C4orf54: variants seen among roughly 807,000 people sequenced by gnomAD.
The protein encoded by C4orf54 is chromosome 4 open reading frame 54, also known as uncharacterized protein C4orf54.
C4orf54 carries 67 observed loss-of-function variants against 80.1 expected under a neutral mutation model. That is an observed-to-expected ratio of 0.84 (90% CI 0.69 to 1.03). C4orf54 has a LOEUF of 1.03. Ranked by LOEUF, C4orf54 falls within the 50% of genes least tolerant of loss-of-function variation. C4orf54 has a pLI of 0.00. For synonymous variants in C4orf54, 1,000 were observed against 917.0 expected, an observed-to-expected ratio of 1.09 and a Z score of -1.64; for missense variants, 2,434 against 2,253.5, an observed-to-expected ratio of 1.08 and a Z score of -1.62.
chr4:99,654,064 C>T lies in C4orf54; in HGVS notation c.585G>A (p.Val195=), dbSNP rs1292700050. The T allele has an allele frequency of 6.5e-7, 1 of 1,536,100 alleles. No homozygotes were observed. The highest frequency in any genetic ancestry group is 8.7e-7 in the Non-Finnish European group (1 of 1,146,914). The change falls in exon 2 of 3, where the codon GTG becomes GTA. Residue 195 remains valine, a synonymous_variant. Transcript: ENST00000511828. ...GGACTTCAGCTGAAGCACACATGTCCACATATTTCGCTTCTCGCTGGGAGG... is the reference window on the plus strand; with the variant it reads ...GGACTTCAGCTGAAGCACACATGTCTACATATTTCGCTTCTCGCTGGGAGG... ...SASSQREAKY[V]DMCASAEVQR...
rs770087780 is a variant in C4orf54 at position 99,653,298 on chromosome 4, C to G, written c.1351G>C (p.Asp451His). ...TTRTPSPTSS[D>H]LARPNAGRSG... ...CGGCCTGCATTGGGGCGGGCCAGGTCGCTGCTTGTAGGGCTGGGCGTCCGG... is the reference window on the plus strand; with the variant it reads ...CGGCCTGCATTGGGGCGGGCCAGGTGGCTGCTTGTAGGGCTGGGCGTCCGG... Residue 451 changes from aspartate (D) to histidine (H), a missense_variant, in exon 2 of 3, where the codon GAC becomes CAC. By Grantham distance (81) the Asp-to-His change is moderately conservative. Coordinates refer to ENST00000511828, the MANE Select transcript of C4orf54 (RefSeq NM_001354435.2). 7.2e-6 allele frequency: 11 copies of G among 1,530,654 alleles called. No homozygotes were observed. The highest frequency in any genetic ancestry group is 6.0e-5 in the South Asian group (5 of 83,282). The allele number at this position is 1,530,654 out of a possible 1,614,324, so 94.8% of individuals were successfully genotyped here. A position where few individuals can be genotyped will look rare whatever the true frequency, so the allele number is the denominator to read the frequency against.
chr4:99,636,995 T>C lies in C4orf54; in HGVS notation c.*4238A>G, dbSNP rs1331767095. The C allele has an allele frequency of 6.6e-6, 1 of 152,210 alleles. No individual in the cohort carries two copies. Among genetic ancestry groups the C allele is most frequent in the Admixed American group, 6.5e-5 (1 of 15,276 alleles). 9.4% of individuals were successfully genotyped at this position (152,210 alleles called of 1,614,324 possible). ...CATAACTTCTACAGTGTTCACATTC[T>C]TTTCAACCACTGCTGTCTTTAATAT... On this transcript the variant is annotated 3_prime_UTR_variant, in exon 3 of 3. Transcript: ENST00000511828.
Position 99,640,648 on chromosome 4 carries a change from A to C in C4orf54, c.*585T>G, listed in dbSNP as rs1232043714. The C allele has an allele frequency of 1.3e-5, 2 of 152,218 alleles. No individual in the cohort carries two copies. The highest frequency in any genetic ancestry group is 6.5e-5 in the Admixed American group (1 of 15,274). The allele number at this position is 152,218 out of a possible 1,614,324, so 9.4% of individuals were successfully genotyped here. A position where few individuals can be genotyped will look rare whatever the true frequency, so the allele number is the denominator to read the frequency against. ...TCACATTTGAAATCATGCCAAACCT[A>C]ATAAAAGAACATATAGAGCATAACC... On this transcript the variant is annotated 3_prime_UTR_variant, in exon 3 of 3. Transcript: ENST00000511828.
At position 99,649,684 on chromosome 4, in the gene C4orf54, C is replaced by T. The variant is rs1404372283; in HGVS notation, c.4965G>A (p.Val1655=). The change falls in exon 2 of 3, where the codon GTG becomes GTA. Residue 1655 remains valine (V), a synonymous_variant. Transcript: ENST00000511828. The part of the protein sequence containing the change: ...DVPMTSQQQA[V]APMSISVPPL... The stretch of plus-strand genomic sequence containing the variant: ...GAGGCACAGAGATGGACATGGGAGC[C>T]ACAGCCTGCTGCTGGGAGGTCATGG... The T allele has an allele frequency of 6.5e-7, 1 of 1,536,142 alleles. No homozygotes were observed. Among genetic ancestry groups the T allele is most frequent in the South Asian group, 1.2e-5 (1 of 84,050 alleles).
At position 99,650,685 on chromosome 4, in the gene C4orf54, G is replaced by T; in HGVS notation, c.3964C>A (p.Arg1322=). 6.5e-7 allele frequency: 1 copy of T among 1,536,060 alleles called. No individual in the cohort carries two copies. The highest frequency in any genetic ancestry group is 1.7e-4 in the Middle Eastern group (1 of 5,990). ...ACACCAGCTTTGTTTCCTGTGCCCC[G>T]CTCTTCCACCTCACCCAGCCGTTTG... The part of the protein sequence containing the change: ...LSKRLGEVEE[R]GTGNKAGVVL... Residue 1322 remains arginine, a synonymous_variant, in exon 2 of 3, where the codon CGG becomes AGG. Transcript: ENST00000511828.
Position 99,654,559 on chromosome 4 carries a change from G to A in C4orf54, c.90C>T (p.Cys30=), listed in dbSNP as rs1286676075. The A allele has an allele frequency of 8.5e-6, 6 of 702,964 alleles. No individual in the cohort carries two copies. The highest frequency in any genetic ancestry group is 4.4e-5 in the South Asian group (3 of 67,608). 43.5% of individuals were successfully genotyped at this position (702,964 alleles called of 1,614,324 possible). A position where few individuals can be genotyped will look rare whatever the true frequency, so the allele number is the denominator to read the frequency against. The change falls in exon 2 of 3, where the codon TGC becomes TGT. Residue 30 remains cysteine, a synonymous_variant. Coordinates refer to ENST00000511828, the MANE Select transcript of C4orf54 (RefSeq NM_001354435.2). ...TCCAGTTGTTTGCCTGGCACCGTCGGCAGCAGCGAGGAGTCTGAATGCCAT... is the reference window on the plus strand; with the variant it reads ...TCCAGTTGTTTGCCTGGCACCGTCGACAGCAGCGAGGAGTCTGAATGCCAT... ...VADGIQTPRC[C]RRCQANNWTG...
At chr4:99,646,814 C>A (rs1726708179) in intron 2 of C4orf54, among the ~76,000 whole-genome samples, 1 of 152,186 alleles carries the variant, frequency 6.6e-6, no homozygotes, top group South Asian at 2.1e-4. Flanking sequence ...CAAGATTTCT[C>A]ATACTGACCA....
In C4orf54 at chr4:99,636,892, C is replaced by CT. The variant is rs1726512550; in HGVS notation, c.*4340dup. ...TCACATTCTTCCCATTTACCACCAG[C>CT]TTTTTTCATAGTCCGGGGTATAACA... On this transcript the variant is annotated 3_prime_UTR_variant, in exon 3 of 3. Transcript: ENST00000511828. 7.9e-5 allele frequency: 12 copies of CT among 152,196 alleles called. No homozygotes were observed. The allele number at this position is 152,196 out of a possible 1,614,324, so 9.4% of individuals were successfully genotyped here.
chr4:99,649,628 G>T lies in C4orf54; in HGVS notation c.5021C>A (p.Pro1674His). 1 of 1,536,148 alleles carries T rather than the reference G, an allele frequency of 6.5e-7. No individual in the cohort carries two copies. Among genetic ancestry groups the T allele is most frequent in the Non-Finnish European group, 8.7e-7 (1 of 1,146,898 alleles). ...AAACCCAGGGTAAATCATGTAGGTGGGTCCATAAGCCCCAGGACTCAGGGC... is the reference window on the plus strand; with the variant it reads ...AAACCCAGGGTAAATCATGTAGGTGTGTCCATAAGCCCCAGGACTCAGGGC... ...PLALSPGAYG[P>H]TYMIYPGFLP... is the part of the protein sequence containing the mutation. The change falls in exon 2 of 3, where the codon CCC becomes CAC. Residue 1674 changes from proline to histidine, a missense_variant. Physicochemically the swap from Pro to His is moderately conservative, Grantham distance 77 (BLOSUM62 -2). Coordinates refer to ENST00000511828, the MANE Select transcript of C4orf54 (RefSeq NM_001354435.2).
chr4:99,651,727 A>G lies in C4orf54; in HGVS notation c.2922T>C (p.Ala974=). The change falls in exon 2 of 3, where the codon GCT becomes GCC. Residue 974 remains alanine (A), a synonymous_variant. Transcript: ENST00000511828. ...LKLPKGGDWR[A]DLGEISASKN... is the part of the protein sequence containing the mutation. ...TGCTGGCAGAAATCTCCCCGAGATC[A>G]GCCCGCCAGTCGCCTCCTTTGGGCA... 1 of 1,536,088 alleles carries G rather than the reference A, an allele frequency of 6.5e-7. No individual in the cohort carries two copies. The highest frequency in any genetic ancestry group is 8.7e-7 in the Non-Finnish European group (1 of 1,146,900).
At chr4:99,647,288 C>G (rs1169477298) in intron 2 of C4orf54, among the ~76,000 whole-genome samples, 1 of 152,114 alleles carries the variant, frequency 6.6e-6, no homozygotes, top group Non-Finnish European at 1.5e-5. Context: ...TCCTCCCTTC[C>G]CCTTGCTTCT....
At chr4:99,645,615 G>A (rs745307320) in intron 2 of C4orf54, among the ~76,000 whole-genome samples, 9 of 152,026 alleles carry the variant, frequency 5.9e-5, no homozygotes, top group Non-Finnish European at 1.2e-4. Flanking sequence ...AAGTGGATGG[G>A]CAGGAGAGCA....
chr4:99,649,162 T>G, intron 2 of C4orf54, 69 bp downstream of exon 2: 1 of 1,376,762 alleles, frequency 7.3e-7, no homozygotes, highest in Non-Finnish European at 9.5e-7. Flanking sequence ...AATCTCTCAC[T>G]TCAAACACAA....
In C4orf54 at chr4:99,653,598, C is replaced by A. The variant is rs1033417394; in HGVS notation, c.1051G>T (p.Ala351Ser). 2 of 1,535,968 alleles carry A rather than the reference C, an allele frequency of 1.3e-6. No individual in the cohort carries two copies. The highest frequency in any genetic ancestry group is 1.7e-6 in the Non-Finnish European group (2 of 1,146,842). Reference sequence around the variant, plus strand: ...GGGTCCCTGCTGCCCTGGGACTTGGCAATAATGTCCCTGCACTCTGTTCCA... The same window carrying A: ...GGGTCCCTGCTGCCCTGGGACTTGGAAATAATGTCCCTGCACTCTGTTCCA... ...GDGTECRDII[A>S]KSQGSRDPPK... The change falls in exon 2 of 3, where the codon GCC becomes TCC. Residue 351 changes from alanine (A) to serine (S), a missense_variant. Ala to Ser is a moderately conservative substitution (Grantham distance 99). Transcript: ENST00000511828.
chr4:99,647,183 C>T (rs1244118260), intron 2 of C4orf54, among the ~76,000 whole-genome samples: 1 of 152,158 alleles, frequency 6.6e-6, no homozygotes, highest in Non-Finnish European at 1.5e-5. Flanking sequence ...CAAGTCTAAT[C>T]TCTCTAGACT....
rs1726830371 is a variant in C4orf54 at position 99,651,637 on chromosome 4, C to T, written c.3012G>A (p.Pro1004=). ...CAGGGTACTTGGTGGCCTGCTTCCT[C>T]GGCTGCTTGTCCTTGGGTGTCTGCT... ...NIQQTPKDKQ[P]RKQATKYPAA... Residue 1004 remains proline (P), a synonymous_variant, in exon 2 of 3, where the codon CCG becomes CCA. Transcript: ENST00000511828. The T allele has an allele frequency of 6.5e-7, 1 of 1,536,120 alleles. No homozygotes were observed. Among genetic ancestry groups the T allele is most frequent in the Non-Finnish European group, 8.7e-7 (1 of 1,146,900 alleles).
Position 99,651,785 on chromosome 4 carries a change from C to A in C4orf54, c.2864G>T (p.Arg955Met), listed in dbSNP as rs529347595. The stretch of plus-strand genomic sequence containing the variant: ...CTTCCCTATAGGGGCTTGTTCCTCC[C>A]TCTTCTCGGCCTCTTTCTCCTTCCA... ...RSWKEKEAEK[R>M]EEQAPIGKLK... Residue 955 changes from arginine to methionine, a missense_variant, in exon 2 of 3, where the codon AGG becomes ATG. By Grantham distance (91) the Arg-to-Met change is moderately conservative. Transcript: ENST00000511828. 2 of 1,536,118 alleles carry A rather than the reference C, an allele frequency of 1.3e-6. No homozygotes were observed. Among genetic ancestry groups the A allele is most frequent in the Non-Finnish European group, 1.7e-6 (2 of 1,146,914 alleles).
In C4orf54 at chr4:99,651,429, T is replaced by G. The variant is rs1203354284; in HGVS notation, c.3220A>C (p.Lys1074Gln). The stretch of plus-strand genomic sequence containing the variant: ...TCTAGGTTGTCCCCGCGGAAGAGTT[T>G]CTGCTGTGCCCTGCTGTTGTCCTCG... ...TIEDNSRAQQ[K>Q]LFRGDNLEKV... The change falls in exon 2 of 3, where the codon AAA becomes CAA. Residue 1074 changes from lysine (K) to glutamine (Q), a missense_variant. Coordinates refer to ENST00000511828, the MANE Select transcript of C4orf54 (RefSeq NM_001354435.2). 1 of 1,536,282 alleles carries G rather than the reference T, an allele frequency of 6.5e-7. No homozygotes were observed. Among genetic ancestry groups the G allele is most frequent in the East Asian group, 2.4e-5 (1 of 40,904 alleles).
In C4orf54 at chr4:99,651,054, C is replaced by G. The variant is rs529336968; in HGVS notation, c.3595G>C (p.Gly1199Arg). 6.5e-7 allele frequency: 1 copy of G among 1,536,144 alleles called. No homozygotes were observed. Among genetic ancestry groups the G allele is most frequent in the Admixed American group, 2.0e-5 (1 of 51,008 alleles). Residue 1199 changes from glycine (G) to arginine (R), a missense_variant, in exon 2 of 3, where the codon GGC (glycine) becomes CGC (arginine). Physicochemically the swap from Gly to Arg is moderately radical, Grantham distance 125 (BLOSUM62 -2). Transcript: ENST00000511828. ...GCAATGGTAGCCACAGGCAGCCTGC[C>G]AGATGCCCTGTGAACCAAGACTGTC... ...EGTVLVHRAS[G>R]RLPVATIAPN...
Sources: gnomAD v4.1 joint callset for allele counts (sites outside exome capture counted in the v4.1 genomes callset) on GRCh38, gnomAD v4.1.1 for gene constraint, MANE v1.5 for transcripts, NCBI Gene and HGNC (gene_info 2026-07-23, HGNC 2026-07-21) for gene names.